KCNJ16: variants seen among roughly 807,000 people sequenced by gnomAD.
KCNJ16 encodes potassium inwardly rectifying channel subfamily J member 16, also known as inward rectifier potassium channel 16.
A neutral mutation model predicts 18.5 loss-of-function variants in KCNJ16; 15 were observed. That is an observed-to-expected ratio of 0.81 (90% CI 0.54 to 1.25). The LOEUF is 1.25. Among genes scored for constraint, KCNJ16 ranks in the 50% most tolerant of loss-of-function variants. The pLI is 0.00. For synonymous variants in KCNJ16, 174 were observed against 186.5 expected, an observed-to-expected ratio of 0.93 and a Z score of 0.55; for missense variants, 523 against 525.7, an observed-to-expected ratio of 0.99 and a Z score of 0.05.
chr17:70,085,694 TG>T (rs2071764804), intron 1 of KCNJ16, among the ~76,000 whole-genome samples: 1 of 152,206 alleles, frequency 6.6e-6, no homozygotes, highest in African/African-American at 2.4e-5. Context: ...CTCTGATGAT[TG>T]ATTTTATTGA....
chr17:70,117,375 T>C (rs895257250), intron 2 of KCNJ16, among the ~76,000 whole-genome samples: 4 of 150,530 alleles, frequency 2.7e-5, no homozygotes, highest in African/African-American at 1.0e-4. Flanking sequence ...CATCACACAA[T>C]ATACCTGAAC....
At chr17:70,102,944 C>CTTTCCT (rs1567788895) in intron 2 of KCNJ16, among the ~76,000 whole-genome samples, 1 of 150,724 alleles carries the variant, frequency 6.6e-6, no homozygotes, top group Non-Finnish European at 1.5e-5. Flanking sequence ...TTTTCCTTTC[C>CTTTCCT]TTTTTTTTGA....
At chr17:70,106,765 G>A (rs1266462207) in intron 2 of KCNJ16, among the ~76,000 whole-genome samples, 1 of 152,174 alleles carries the variant, frequency 6.6e-6, no homozygotes, top group Non-Finnish European at 1.5e-5. Context: ...CTGCAGGTCA[G>A]CCATGCAGCT....
chr17:70,099,427 T>C (rs975379545), intron 1 of KCNJ16, among the ~76,000 whole-genome samples: 6 of 152,088 alleles, frequency 3.9e-5, no homozygotes, highest in African/African-American at 1.2e-4. Flanking sequence ...GTGAAAGCTA[T>C]AGGGAGACAC....
At chr17:70,123,318 G>A (rs534733812) in intron 2 of KCNJ16, among the ~76,000 whole-genome samples, 1 of 152,310 alleles carries the variant, frequency 6.6e-6, no homozygotes, top group African/African-American at 2.4e-5. Flanking sequence ...GATAGAATCT[G>A]ATTTGAGCAG....
intron 1 of KCNJ16, among the ~76,000 whole-genome samples, chr17:70,082,234 C>T (rs2071587002): frequency 6.6e-6 from 1 of 152,096 alleles, no homozygotes. Flanking sequence ...AAGTTGTCTG[C>T]CTAGTTATAA....
chr17:70,134,252 G>A lies in KCNJ16; in HGVS notation c.*908G>A, dbSNP rs1165646869. ...GGAGAGAAACCGTTGCTAGCTTGCT[G>A]GTCCCGAAAGATTGCAACTTTGGCT... On this transcript the variant is annotated 3_prime_UTR_variant, in exon 4 of 4. Coordinates refer to ENST00000392671, the MANE Select transcript of KCNJ16 (RefSeq NM_170741.4). 1 of 165,856 alleles carries A rather than the reference G, an allele frequency of 6.0e-6. No homozygotes were observed. The highest frequency in any genetic ancestry group is 6.6e-5 in the Admixed American group (1 of 15,206). 10.3% of individuals were successfully genotyped at this position (165,856 alleles called of 1,614,324 possible).
At chr17:70,097,559 C>T (rs2143796380) in intron 1 of KCNJ16, among the ~76,000 whole-genome samples, 1 of 152,236 alleles carries the variant, frequency 6.6e-6, no homozygotes, top group Middle Eastern at 3.4e-3. Flanking sequence ...GGAAATGTGA[C>T]TAAGAACAGG....
At position 70,135,266 on chromosome 17, in the gene KCNJ16, A is replaced by G. The variant is rs1053861784; in HGVS notation, c.*1922A>G. 3.6e-5 allele frequency: 6 copies of G among 167,016 alleles called. No homozygotes were observed. The highest frequency in any genetic ancestry group is 8.8e-5 in the Non-Finnish European group (6 of 68,120). 10.3% of individuals were successfully genotyped at this position (167,016 alleles called of 1,614,324 possible). Reference sequence around the variant, plus strand: ...TACTTGGCTAAATTAGAGTACTGCAATCTTGTAAGTAGAAAACAGCCACCA... The same window carrying G: ...TACTTGGCTAAATTAGAGTACTGCAGTCTTGTAAGTAGAAAACAGCCACCA... On this transcript the variant is annotated 3_prime_UTR_variant, in exon 4 of 4. Transcript: ENST00000392671.
intron 1 of KCNJ16, among the ~76,000 whole-genome samples, chr17:70,092,537 G>T (rs62081363): frequency 7.8e-6 from 1 of 128,260 alleles, no homozygotes; most frequent in East Asian, 2.3e-4. Context: ...TAGACAGATA[G>T]ATATAGATAG....
intron 2 of KCNJ16, among the ~76,000 whole-genome samples, chr17:70,112,887 A>T (rs1341231826): frequency 6.6e-6 from 1 of 152,190 alleles, no homozygotes; most frequent in East Asian, 1.9e-4. Context: ...GATGCAGGAA[A>T]CCTACTTGTT....
intron 2 of KCNJ16, among the ~76,000 whole-genome samples, chr17:70,113,453 A>G (rs1296265328): frequency 6.6e-6 from 1 of 152,204 alleles, no homozygotes; most frequent in East Asian, 1.9e-4. Flanking sequence ...ATATAGTTGA[A>G]TGTTGATTGA....
intron 2 of KCNJ16, among the ~76,000 whole-genome samples, chr17:70,109,033 T>C (rs1156829708): frequency 6.6e-6 from 1 of 152,172 alleles, no homozygotes; most frequent in Non-Finnish European, 1.5e-5. Context: ...TTTCTTGCAG[T>C]GAGTTCTGCT....
chr17:70,087,026 G>C (rs1302487904), intron 1 of KCNJ16, among the ~76,000 whole-genome samples: 1 of 150,680 alleles, frequency 6.6e-6, no homozygotes, highest in East Asian at 1.9e-4. Context: ...AGCCCCCCGA[G>C]TAGCTGGGAT....
intron 2 of KCNJ16, among the ~76,000 whole-genome samples, chr17:70,118,044 T>C (rs1411667306): frequency 2.0e-5 from 3 of 152,232 alleles, no homozygotes; most frequent in Non-Finnish European, 4.4e-5. Flanking sequence ...ACTTTCCCTC[T>C]AGCCTCAAGT....
intron 1 of KCNJ16, among the ~76,000 whole-genome samples, chr17:70,089,488 T>G (rs1247898249): frequency 6.6e-6 from 1 of 152,168 alleles, no homozygotes; most frequent in Non-Finnish European, 1.5e-5. Flanking sequence ...TTTAAAATTT[T>G]TGTTTGTTTG....
Position 70,090,937 on chromosome 17 carries a change from C to T in KCNJ16, c.-299-9721C>T, listed in dbSNP as rs117219472. On this transcript the variant is annotated intron_variant, in intron 1 of 3. Coordinates refer to ENST00000392671, the MANE Select transcript of KCNJ16 (RefSeq NM_170741.4). ...AAAGATTCAAAATCCTTAGCCTAAC[C>T]GGTGAATGTTTTCCCAGTTTTGACT... 4.1e-3 allele frequency among the ~76,000 whole-genome samples: 629 copies of T among 152,302 alleles called. 3 individuals are homozygous for T. The highest frequency in any genetic ancestry group is 7.2e-3 in the Non-Finnish European group (488 of 68,030).
chr17:70,135,319 AT>A lies in KCNJ16; in HGVS notation c.*1980del, dbSNP rs2074187187. 1 of 166,984 alleles carries A rather than the reference AT, an allele frequency of 6.0e-6. No homozygotes were observed. The highest frequency in any genetic ancestry group is 1.5e-5 in the Non-Finnish European group (1 of 68,094). The allele number at this position is 166,984 out of a possible 1,614,324, so 10.3% of individuals were successfully genotyped here. On this transcript the variant is annotated 3_prime_UTR_variant, in exon 4 of 4. Coordinates refer to ENST00000392671, the MANE Select transcript of KCNJ16 (RefSeq NM_170741.4). ...ACAATAAACAAAAACACTTAAAAAT[AT>A]TTTTAGCTTGTTTTACCTACATCTA...
Position 70,133,474 on chromosome 17 carries a change from T to A in KCNJ16, c.*130T>A. Reference sequence around the variant, plus strand: ...GATGATGCTGGGTAAGTAGAGTAAGTTAAACTTGGTAAAAGATAATCTAAA... The same window carrying A: ...GATGATGCTGGGTAAGTAGAGTAAGATAAACTTGGTAAAAGATAATCTAAA... On this transcript the variant is annotated 3_prime_UTR_variant, in exon 4 of 4. Transcript: ENST00000392671. 1.4e-6 allele frequency: 1 copy of A among 707,952 alleles called. No homozygotes were observed. The allele number at this position is 707,952 out of a possible 1,614,324, so 43.9% of individuals were successfully genotyped here.
Sources: gnomAD v4.1 joint callset for allele counts (sites outside exome capture counted in the v4.1 genomes callset) on GRCh38, gnomAD v4.1.1 for gene constraint, MANE v1.5 for transcripts, NCBI Gene and HGNC (gene_info 2026-07-23, HGNC 2026-07-21) for gene names.